ADAP2: variants seen among roughly 807,000 people sequenced by gnomAD.
ADAP2 encodes the protein arf-GAP with dual PH domain-containing protein 2.
Under a neutral mutation model 54.9 loss-of-function variants are expected in ADAP2, and 42 were observed. The observed-to-expected ratio is 0.77, with a 90% CI of 0.60 to 0.99. The LOEUF (loss-of-function observed/expected upper bound fraction) is 0.99. Among genes scored for constraint, ADAP2 ranks in the 50% least tolerant of loss-of-function variants. ADAP2 has a pLI of 0.00. For missense variants in ADAP2, 429 were observed against 480.4 expected (o/e 0.89, Z 1.00); for synonymous variants, 177 against 180.1 (o/e 0.98, Z 0.14).
chr17:30,945,187 A>C (rs1912576355), intron 6 of ADAP2, 134 bp downstream of exon 6: 1 of 1,062,886 alleles, frequency 9.4e-7, no homozygotes. Flanking sequence ...ATTTGCCTTA[A>C]TCTATCATTG....
rs141573777 is a variant in ADAP2, at chr17:30,946,269, A to G, written c.657+1216A>G. Among the ~76,000 whole-genome samples the G allele has an allele frequency of 4.5e-3, 680 of 151,820 alleles. 1 individual carries two copies. The highest frequency in any genetic ancestry group is 0.016 in the African/African-American group (646 of 41,440). Reference sequence around the variant, plus strand: ...TCCTTTGGAGATGGAATCTTGCTCTATTGCCCAGACTGGAGTGCAGTGGCG... The same window carrying G: ...TCCTTTGGAGATGGAATCTTGCTCTGTTGCCCAGACTGGAGTGCAGTGGCG... On this transcript the variant is annotated intron_variant, in intron 6 of 10. Transcript: ENST00000330889.
intron 5 of ADAP2, among the ~76,000 whole-genome samples, chr17:30,939,174 T>TA (rs1456515849): frequency 7.2e-5 from 11 of 152,006 alleles, no homozygotes; most frequent in Admixed American, 3.3e-4. Flanking sequence ...CTACTGCAGT[T>TA]AGGAAAGGTC....
intron 2 of ADAP2, among the ~76,000 whole-genome samples, chr17:30,924,276 G>A (rs1034712991): frequency 6.6e-6 from 1 of 152,050 alleles, no homozygotes; most frequent in Non-Finnish European, 1.5e-5. Context: ...CGGGGGCTGG[G>A]GTGGGAAGAT....
intron 7 of ADAP2, among the ~76,000 whole-genome samples, chr17:30,951,937 G>A (rs955174768): frequency 1.1e-4 from 16 of 152,192 alleles, no homozygotes; most frequent in Non-Finnish European, 2.1e-4. Context: ...TTACAGGCGT[G>A]AGCCACTGCG....
intron 3 of ADAP2, 106 bp downstream of exon 3, chr17:30,927,024 C>A: frequency 2.3e-6 from 2 of 851,302 alleles, no homozygotes; most frequent in Non-Finnish European, 3.8e-6. Flanking sequence ...CTTCTATGGG[C>A]CTGGTGCGCA....
chr17:30,954,896 C>T (rs74358866), intron 9 of ADAP2, among the ~76,000 whole-genome samples: 368 of 152,176 alleles, frequency 2.4e-3, no homozygotes, highest in African/African-American at 8.6e-3. Flanking sequence ...AGAACCCCAC[C>T]GTCTGGGCTC....
intron 5 of ADAP2, among the ~76,000 whole-genome samples, chr17:30,941,911 A>T (rs1377599078): frequency 2.8e-5 from 4 of 144,990 alleles, no homozygotes; most frequent in African/African-American, 5.0e-5. Context: ...AAATCAAACT[A>T]TTTTTTTTTT....
intron 5 of ADAP2, among the ~76,000 whole-genome samples, chr17:30,943,249 C>A (rs981294372): frequency 1.3e-4 from 20 of 151,948 alleles, no homozygotes; most frequent in Non-Finnish European, 2.4e-4. Context: ...CCTGTAATCC[C>A]AGCAACTTGG....
intron 2 of ADAP2, among the ~76,000 whole-genome samples, chr17:30,923,532 G>T (rs931422841): frequency 1.3e-5 from 2 of 151,494 alleles, no homozygotes; most frequent in African/African-American, 4.9e-5. Context: ...CCAAAGTGCT[G>T]GGATTACAGG....
chr17:30,934,575 T>C (rs1911738721), intron 5 of ADAP2, among the ~76,000 whole-genome samples: 1 of 152,206 alleles, frequency 6.6e-6, no homozygotes. Flanking sequence ...AAACATTTAT[T>C]GAGTACCTAC....
Position 30,939,684 on chromosome 17 carries a change from T to C in ADAP2, c.511-5223T>C, listed in dbSNP as rs1314950371. On this transcript the variant is annotated intron_variant, in intron 5 of 10. Transcript: ENST00000330889. The stretch of plus-strand genomic sequence containing the variant: ...TACTCAGGAGGCTGAGGCAGGAGAA[T>C]GGCCCGAACCTGGGAGGCGGAGCTT... Among the ~76,000 whole-genome samples the C allele has an allele frequency of 2.0e-5, 3 of 146,408 alleles. No individual in the cohort carries two copies. In the East Asian group the frequency reaches 6.1e-4, roughly 30 times the overall value.
chr17:30,930,280 C>T (rs1361492862), intron 3 of ADAP2, among the ~76,000 whole-genome samples: 1 of 150,874 alleles, frequency 6.6e-6, no homozygotes, highest in Non-Finnish European at 1.5e-5. Context: ...CTATGTTGGC[C>T]AGGCTGGTCT....
Position 30,934,160 on chromosome 17 carries a change from C to A in ADAP2, c.398-25C>A, listed in dbSNP as rs373475569. On this transcript the variant is annotated intron_variant, in intron 4 of 10. Transcript: ENST00000330889. Reference sequence around the variant, plus strand: ...GTGATCTTAAGGTCACGTGTGTTCACGCTTTGTCATCCTTGCTGCTTAAGG... The same window carrying A: ...GTGATCTTAAGGTCACGTGTGTTCAAGCTTTGTCATCCTTGCTGCTTAAGG... 5 of 1,589,226 alleles carry A rather than the reference C, an allele frequency of 3.1e-6. No homozygotes were observed. In the South Asian group the frequency reaches 5.5e-5, roughly 18 times the overall value.
rs765317957 is a variant in ADAP2, at chr17:30,956,398, A to G, written c.1040A>G (p.Lys347Arg). 5 of 1,614,222 alleles carry G rather than the reference A, an allele frequency of 3.1e-6. No homozygotes were observed. Among genetic ancestry groups the G allele is most frequent in the Non-Finnish European group, 4.2e-6 (5 of 1,180,038 alleles). The change falls in exon 10 of 11, where the codon AAG (lysine) becomes AGG (arginine). Residue 347 changes from lysine (K) to arginine (R), a missense_variant. Transcript: ENST00000330889. ...RRFVLTCPSE[K>R]EQQEWLESLR... is the part of the protein sequence containing the mutation. ...TTTGTCCTCACTTGCCCCAGTGAGAAGGAACAGCAGGAATGGCTGGAAAGT... is the reference window on the plus strand; with the variant it reads ...TTTGTCCTCACTTGCCCCAGTGAGAGGGAACAGCAGGAATGGCTGGAAAGT...
chr17:30,924,150 A>G (rs952883309), intron 2 of ADAP2, among the ~76,000 whole-genome samples: 12 of 152,090 alleles, frequency 7.9e-5, no homozygotes, highest in African/African-American at 2.9e-4. Flanking sequence ...AGGCTGGTGG[A>G]TTGCTTGAGC....
chr17:30,945,138 G>A, intron 6 of ADAP2, 85 bp downstream of exon 6: 1 of 1,479,284 alleles, frequency 6.8e-7, no homozygotes, highest in Non-Finnish European at 9.2e-7. Flanking sequence ...CCTGCTCACT[G>A]GTGCTGTGCT....
intron 2 of ADAP2, among the ~76,000 whole-genome samples, chr17:30,923,693 CTTTTT>C (rs1013811428): frequency 9.7e-5 from 9 of 92,408 alleles, no homozygotes; most frequent in Admixed American, 8.4e-4. Context: ...TTCTTTCTTC[CTTTTT>C]TTTTTTTTTT....
intron 5 of ADAP2, among the ~76,000 whole-genome samples, chr17:30,937,802 T>A (rs1301999357): frequency 6.6e-6 from 1 of 152,178 alleles, no homozygotes; most frequent in African/African-American, 2.4e-5. Context: ...CAAGAATAGA[T>A]TTGCTATTTA....
In ADAP2 at chr17:30,944,905, A is replaced by G. The variant is rs756626156; in HGVS notation, c.511-2A>G. On this transcript the variant is annotated splice_acceptor_variant, in intron 5 of 10. Coordinates refer to ENST00000330889, the MANE Select transcript of ADAP2 (RefSeq NM_018404.3). LOFTEE classifies it high-confidence loss of function. Reference sequence around the variant, plus strand: ...GTCTTTCTTTCTCTTTCTCTCTTTCAGGGTAAAAGCCCCAAAGCTGTCATC... The same window carrying G: ...GTCTTTCTTTCTCTTTCTCTCTTTCGGGGTAAAAGCCCCAAAGCTGTCATC... 1.1e-5 allele frequency: 18 copies of G among 1,612,702 alleles called. No individual in the cohort carries two copies. The highest frequency in any genetic ancestry group is 9.3e-6 in the Non-Finnish European group (11 of 1,179,688).
Sources: allele counts gnomAD v4.1 joint callset (sites outside exome capture counted in the v4.1 genomes callset), GRCh38; gene constraint gnomAD v4.1.1; transcripts MANE v1.5; gene names NCBI Gene and HGNC (gene_info 2026-07-23, HGNC 2026-07-21).